IL1RAP: variants seen among roughly 807,000 people sequenced by gnomAD.
The protein encoded by IL1RAP is interleukin 1 receptor accessory protein.
A neutral mutation model predicts 60.7 loss-of-function variants in IL1RAP; 35 were observed. The observed-to-expected ratio is 0.58, with a 90% CI of 0.44 to 0.76. The LOEUF is 0.76. IL1RAP is among the 30% of genes least tolerant of loss of function. IL1RAP has a pLI of 0.00. For missense variants in IL1RAP, 572 were observed against 693.9 expected (o/e 0.82, Z 1.97); for synonymous variants, 268 against 250.9 (o/e 1.07, Z -0.64).
intron 1 of IL1RAP, among the ~76,000 whole-genome samples, chr3:190,522,289 G>GCTTCCTTC (rs72459878): frequency 0.089 from 12,037 of 135,218 alleles, 746 homozygotes; most frequent in Admixed American, 0.15. Context: ...GCCTTCCTTT[G>GCTTCCTTC]CTTCCTTCCT....
intron 2 of IL1RAP, among the ~76,000 whole-genome samples, chr3:190,560,405 G>A (rs1725786778): frequency 1.3e-5 from 2 of 152,210 alleles, no homozygotes; most frequent in South Asian, 4.1e-4. Flanking sequence ...AACCATGGCA[G>A]AATGAAGCAG....
intron 4 of IL1RAP, among the ~76,000 whole-genome samples, chr3:190,605,399 A>G (rs1438546926): frequency 6.6e-6 from 1 of 152,206 alleles, no homozygotes; most frequent in Non-Finnish European, 1.5e-5. Flanking sequence ...TCTCCACAGA[A>G]TAGCCCTTTT....
intron 1 of IL1RAP, chr3:190,516,188 A>G (rs1721496586): frequency 6.6e-6 from 1 of 152,248 alleles, no homozygotes; most frequent in African/African-American, 2.4e-5. Flanking sequence ...ATACATCTTG[A>G]TGGAAGATAA....
chr3:190,529,077 G>A (rs1722752631), intron 1 of IL1RAP, among the ~76,000 whole-genome samples: 1 of 152,346 alleles, frequency 6.6e-6, no homozygotes, highest in South Asian at 2.1e-4. Context: ...CAGACAGTCA[G>A]AAATGAAATC....
chr3:190,598,480 A>T (rs374295699), intron 3 of IL1RAP, among the ~76,000 whole-genome samples: 1 of 152,136 alleles, frequency 6.6e-6, no homozygotes, highest in African/African-American at 2.4e-5. Flanking sequence ...TGCCAACTGT[A>T]TTACCTAGTG....
intron 3 of IL1RAP, among the ~76,000 whole-genome samples, chr3:190,566,499 C>T (rs922423264): frequency 3.9e-5 from 6 of 152,170 alleles, no homozygotes; most frequent in South Asian, 2.1e-4. Context: ...TCCCCAGCCC[C>T]CACCTCAAGT....
intron 1 of IL1RAP, among the ~76,000 whole-genome samples, chr3:190,547,319 T>G (rs1299500198): frequency 6.6e-6 from 1 of 152,172 alleles, no homozygotes; most frequent in Non-Finnish European, 1.5e-5. Flanking sequence ...TGTGATCTGG[T>G]GGACTGAGGT....
intron 1 of IL1RAP, among the ~76,000 whole-genome samples, chr3:190,516,730 GAA>G (rs10555254): frequency 0.12 from 18,391 of 149,650 alleles, 1,973 homozygotes; most frequent in East Asian, 0.47. Context: ...TTCTAAAATG[GAA>G]AAAAAAAATG....
chr3:190,536,935 G>A (rs1417046140), intron 1 of IL1RAP, among the ~76,000 whole-genome samples: 2 of 152,120 alleles, frequency 1.3e-5, no homozygotes, highest in East Asian at 3.8e-4. Context: ...GAGTCTAGTA[G>A]TTATATATGG....
chr3:190,553,496 CG>C (rs1256887845), intron 1 of IL1RAP, among the ~76,000 whole-genome samples: 1 of 152,060 alleles, frequency 6.6e-6, no homozygotes, highest in Non-Finnish European at 1.5e-5. Flanking sequence ...GTTCCTCCAC[CG>C]GGGAGAGAAA....
intron 3 of IL1RAP, among the ~76,000 whole-genome samples, chr3:190,591,234 G>A (rs1218327463): frequency 1.3e-5 from 2 of 152,202 alleles, no homozygotes; most frequent in Admixed American, 1.3e-4. Context: ...TACCAGTGTT[G>A]CCTCATTTAA....
intron 1 of IL1RAP, among the ~76,000 whole-genome samples, chr3:190,536,934 A>G (rs1723518377): frequency 6.6e-6 from 1 of 152,188 alleles, no homozygotes; most frequent in Admixed American, 6.5e-5. Flanking sequence ...TGAGTCTAGT[A>G]GTTATATATG....
At chr3:190,587,365 A>C (rs762900374) in intron 3 of IL1RAP, among the ~76,000 whole-genome samples, 1 of 152,240 alleles carries the variant, frequency 6.6e-6, no homozygotes, top group African/African-American at 2.4e-5. Flanking sequence ...GGCATTATGA[A>C]GAGTGAAAAT....
chr3:190,577,537 G>A (rs928225547), intron 3 of IL1RAP, among the ~76,000 whole-genome samples: 1 of 152,130 alleles, frequency 6.6e-6, no homozygotes, highest in Non-Finnish European at 1.5e-5. Context: ...AAACCTTTCT[G>A]GCAGAAGATA....
intron 3 of IL1RAP, among the ~76,000 whole-genome samples, chr3:190,588,415 A>G (rs1728656877): frequency 6.6e-6 from 1 of 152,194 alleles, no homozygotes; most frequent in Non-Finnish European, 1.5e-5. Flanking sequence ...CCCGGCCTAC[A>G]TCTTTCTAAG....
At chr3:190,611,728 T>C (rs9841058) in intron 5 of IL1RAP, among the ~76,000 whole-genome samples, 11,657 of 152,180 alleles carry the variant, frequency 0.077, 845 homozygotes, top group African/African-American at 0.19. Flanking sequence ...GCCTTTGCTT[T>C]ATAATAACTC....
chr3:190,596,254 T>C (rs1729369293), intron 3 of IL1RAP, among the ~76,000 whole-genome samples: 1 of 152,220 alleles, frequency 6.6e-6, no homozygotes, highest in South Asian at 2.1e-4. Context: ...AAATATTTAA[T>C]GAATACAAAT....
chr3:190,564,050 C>T, intron 2 of IL1RAP: 1 of 488,566 alleles, frequency 2.0e-6, no homozygotes, highest in East Asian at 3.4e-5. Flanking sequence ...GTTATTTAAA[C>T]CTGTGTATTA....
At chr3:190,557,912 A>G (rs1012653188) in intron 2 of IL1RAP, among the ~76,000 whole-genome samples, 4 of 152,116 alleles carry the variant, frequency 2.6e-5, no homozygotes, top group African/African-American at 9.7e-5. Context: ...GTTTCTCCAA[A>G]CAACTCTCAT....
Sources: allele counts gnomAD v4.1 joint callset (sites outside exome capture counted in the v4.1 genomes callset), GRCh38; gene constraint gnomAD v4.1.1; transcripts MANE v1.5; gene names NCBI Gene and HGNC (gene_info 2026-07-23, HGNC 2026-07-21).